The following TBCA variants were observed in gnomAD, a reference collection of about 807,000 sequenced individuals.
The protein encoded by TBCA is tubulin folding cofactor A, also known as tubulin-specific chaperone A.
TBCA carries 6 observed loss-of-function variants against 15.8 expected under a neutral mutation model. The observed-to-expected ratio is 0.38, with a 90% confidence interval of 0.21 to 0.75. The LOEUF (loss-of-function observed/expected upper bound fraction) is 0.75. Among genes scored for constraint, TBCA ranks in the 30% least tolerant of loss-of-function variants. The pLI, the probability that TBCA is intolerant of heterozygous loss-of-function variation, is 0.46. For missense variants in TBCA, 90 were observed against 131.2 expected, an observed-to-expected ratio of 0.69 and a Z score of 1.53; for synonymous variants, 32 against 42.3, an observed-to-expected ratio of 0.76 and a Z score of 0.94.
At chr5:77,763,739 C>A (rs1275132613) in intron 1 of TBCA, among the ~76,000 whole-genome samples, 1 of 152,202 alleles carries the variant, frequency 6.6e-6, no homozygotes, top group Non-Finnish European at 1.5e-5. Context: ...AAATCTCAGA[C>A]TTCCAGCCTC....
At chr5:77,760,368 G>C (rs141088256) in intron 1 of TBCA, among the ~76,000 whole-genome samples, 2 of 151,986 alleles carry the variant, frequency 1.3e-5, no homozygotes, top group Non-Finnish European at 2.9e-5. Flanking sequence ...AATACTCTAC[G>C]GCCCTCCCTT....
At chr5:77,726,926 T>C (rs562029661) in intron 1 of TBCA, among the ~76,000 whole-genome samples, 2 of 152,316 alleles carry the variant, frequency 1.3e-5, no homozygotes, top group South Asian at 4.2e-4. Context: ...CCATCTTATA[T>C]GCCCAGGTTA....
chr5:77,716,591 T>C (rs573921281), intron 1 of TBCA, among the ~76,000 whole-genome samples: 2 of 152,272 alleles, frequency 1.3e-5, no homozygotes, highest in South Asian at 4.1e-4. Flanking sequence ...CAGGTACTAG[T>C]ATTATTCCCA....
At chr5:77,709,639 T>G (rs1045611117) in intron 1 of TBCA, among the ~76,000 whole-genome samples, 3 of 152,134 alleles carry the variant, frequency 2.0e-5, no homozygotes, top group African/African-American at 7.2e-5. Context: ...CCTCAAAAAG[T>G]TAAACAGAGT....
intron 1 of TBCA, among the ~76,000 whole-genome samples, chr5:77,722,896 T>C (rs1746555915): frequency 6.6e-6 from 1 of 151,814 alleles, no homozygotes; most frequent in African/African-American, 2.4e-5. Context: ...GCATTAACAA[T>C]AGCAAAACTA....
intron 1 of TBCA, among the ~76,000 whole-genome samples, chr5:77,751,861 G>T (rs1198945771): frequency 6.6e-6 from 1 of 152,144 alleles, no homozygotes; most frequent in Non-Finnish European, 1.5e-5. Context: ...AGTGAGCCAG[G>T]AGTGCTGATT....
At chr5:77,727,213 G>A (rs886753241) in intron 1 of TBCA, among the ~76,000 whole-genome samples, 6 of 142,724 alleles carry the variant, frequency 4.2e-5, no homozygotes, top group African/African-American at 1.0e-4. Context: ...CTCCAACCTG[G>A]GAGACACAGT....
chr5:77,723,621 C>A (rs1746570975), intron 1 of TBCA, among the ~76,000 whole-genome samples: 1 of 151,722 alleles, frequency 6.6e-6, no homozygotes, highest in Non-Finnish European at 1.5e-5. Context: ...TTGAGAATGG[C>A]CTTAAAAAAA....
At chr5:77,734,474 G>A (rs1035561203) in intron 1 of TBCA, among the ~76,000 whole-genome samples, 6 of 152,156 alleles carry the variant, frequency 3.9e-5, no homozygotes, top group Non-Finnish European at 7.3e-5. Flanking sequence ...ATAACTTTGA[G>A]GGATTCAGGA....
At chr5:77,737,184 G>T (rs572170733) in intron 1 of TBCA, among the ~76,000 whole-genome samples, 1 of 152,286 alleles carries the variant, frequency 6.6e-6, no homozygotes, top group Non-Finnish European at 1.5e-5. Flanking sequence ...GAGTATTCCA[G>T]AAGTCTGTTT....
At chr5:77,759,564 G>A (rs1287617307) in intron 1 of TBCA, among the ~76,000 whole-genome samples, 1 of 152,144 alleles carries the variant, frequency 6.6e-6, no homozygotes, top group African/African-American at 2.4e-5. Flanking sequence ...ATCAAAGCAA[G>A]AGATAAAAAA....
At chr5:77,758,412 G>A (rs1377295621) in intron 1 of TBCA, among the ~76,000 whole-genome samples, 1 of 152,152 alleles carries the variant, frequency 6.6e-6, no homozygotes, top group East Asian at 1.9e-4. Flanking sequence ...TCTGACCCCT[G>A]TCACATATCC....
intron 1 of TBCA, among the ~76,000 whole-genome samples, chr5:77,732,074 C>CA (rs1746785152): frequency 6.6e-6 from 1 of 151,696 alleles, no homozygotes; most frequent in Admixed American, 6.6e-5. Flanking sequence ...CGGAGTGAAC[C>CA]AAAAAATGTA....
chr5:77,707,347 AAAG>A (rs1364511106), intron 2 of TBCA, among the ~76,000 whole-genome samples: 1 of 152,182 alleles, frequency 6.6e-6, no homozygotes, highest in East Asian at 1.9e-4. Context: ...TCATGGGAAT[AAAG>A]AAAGTGTTAT....
intron 2 of TBCA, among the ~76,000 whole-genome samples, chr5:77,702,491 G>A (rs897697921): frequency 2.0e-5 from 3 of 152,194 alleles, no homozygotes; most frequent in African/African-American, 7.2e-5. Context: ...ATTATTTAGG[G>A]TTTTGGGAGC....
rs960782659 is a variant in TBCA at position 77,715,363 on chromosome 5, G to A, written c.54-7016C>T. On this transcript the variant is annotated intron_variant, in intron 1 of 3. Coordinates refer to ENST00000380377, the MANE Select transcript of TBCA (RefSeq NM_004607.3). Reference sequence around the variant, plus strand: ...AAGGTTAACACTGTGCTATAGGCCTGAAAAACAATCAGTCTAAATGAGGAT... The same window carrying A: ...AAGGTTAACACTGTGCTATAGGCCTAAAAAACAATCAGTCTAAATGAGGAT... 7 of 684,824 alleles carry A rather than the reference G, an allele frequency of 1.0e-5. No homozygotes were observed. The East Asian group carries it at 1.3e-4, about 13-fold the overall frequency. 42.4% of individuals were successfully genotyped at this position (684,824 alleles called of 1,614,324 possible). A position where few individuals can be genotyped will look rare whatever the true frequency, so the allele number is the denominator to read the frequency against.
chr5:77,775,413 T>C (rs1257866443), intron 1 of TBCA, among the ~76,000 whole-genome samples: 3 of 152,174 alleles, frequency 2.0e-5, no homozygotes, highest in African/African-American at 4.8e-5. Context: ...ACCTTACCCA[T>C]TGACTAATAT....
chr5:77,729,356 G>A lies in TBCA; in HGVS notation c.54-21009C>T, dbSNP rs147284362. Among the ~76,000 whole-genome samples the A allele has an allele frequency of 9.1e-3, 1,389 of 152,140 alleles. 13 individuals are homozygous for A. Among genetic ancestry groups the A allele is most frequent in the Middle Eastern group, 0.048 (14 of 294 alleles). On this transcript the variant is annotated intron_variant, in intron 1 of 3. Transcript: ENST00000380377. ...GAAGCATAATACCATCACTGGAAAA[G>A]TGTTCTCCATTAGGCTAGCCCATTC...
intron 1 of TBCA, among the ~76,000 whole-genome samples, chr5:77,748,588 T>TTGTTCTACATC: frequency 6.6e-6 from 1 of 152,144 alleles, no homozygotes. Flanking sequence ...ATCTTAAAAT[T>TTGTTCTACATC]TACAATGATG....
Sources: gnomAD v4.1 joint callset for allele counts (sites outside exome capture counted in the v4.1 genomes callset) on GRCh38, gnomAD v4.1.1 for gene constraint, MANE v1.5 for transcripts, NCBI Gene and HGNC (gene_info 2026-07-23, HGNC 2026-07-21) for gene names.